Variants in ANKRD36C observed in about 807,000 individuals in gnomAD.
ANKRD36C encodes ankyrin repeat domain 36C.
In ANKRD36C, 61 loss-of-function variants were observed where a neutral mutation model predicts 276.4. The observed-to-expected ratio is 0.22, with a 90% CI of 0.18 to 0.27. The LOEUF (loss-of-function observed/expected upper bound fraction) is 0.27, where lower values mean the gene tolerates loss of function less well. ANKRD36C is among the 10% of genes least tolerant of loss of function. ANKRD36C has a pLI of 1.00. For missense variants in ANKRD36C, 1,447 were observed against 2,032.3 expected (o/e 0.71, Z 5.54); for synonymous variants, 483 against 680.1 (o/e 0.71, Z 4.51).
chr2:95,928,880 A>G lies in ANKRD36C; in HGVS notation c.1837+192T>C, dbSNP rs1223350721. ...CAATTTCAATGTAGGGAAGTCTACA[A>G]TCTTACTACTCAGATCATGACCAAG... is the stretch of plus-strand genomic sequence containing the variant. On this transcript the variant is annotated intron_variant, in intron 26 of 66. Transcript: ENST00000456556. 4.0e-5 allele frequency among the ~76,000 whole-genome samples: 6 copies of G among 151,480 alleles called. No homozygotes were observed. The South Asian group carries it at 6.2e-4, about 16-fold the overall frequency.
chr2:95,856,239 C>T (rs76605202), intron 62 of ANKRD36C, 59 bp from the exon 83 acceptor site: 30 of 1,581,198 alleles, frequency 1.9e-5, no homozygotes, highest in Non-Finnish European at 2.6e-5. Context: ...ATTGTGATTG[C>T]TTCTGAAATT....
chr2:95,909,616 G>A (rs1676851412), intron 42 of ANKRD36C, among the ~76,000 whole-genome samples: 1 of 126,936 alleles, frequency 7.9e-6, no homozygotes. Context: ...CCAAGAGGTA[G>A]CTCCTTGAAC....
intron 3 of ANKRD36C, among the ~76,000 whole-genome samples, chr2:95,986,028 C>T (rs1157234268): frequency 6.6e-6 from 1 of 152,158 alleles, no homozygotes; most frequent in Non-Finnish European, 1.5e-5. Flanking sequence ...CACTGCCAAC[C>T]TGGTTTCCTC....
chr2:95,866,245 A>G (rs1249311322), intron 60 of ANKRD36C, among the ~76,000 whole-genome samples: 1 of 152,168 alleles, frequency 6.6e-6, no homozygotes, highest in Non-Finnish European at 1.5e-5. Context: ...ATTTTTACAT[A>G]TGACACAAAA....
At chr2:95,871,449 T>C (rs1269468246) in intron 59 of ANKRD36C, among the ~76,000 whole-genome samples, 5 of 152,054 alleles carry the variant, frequency 3.3e-5, no homozygotes, top group East Asian at 1.9e-4. Flanking sequence ...TAAAATACTT[T>C]ACAGACAAGC....
rs1447841168 is a variant in ANKRD36C, at chr2:95,897,408, G to A, written c.2755+1737C>T. ...TGTTTCATAGACTATACATTTACTA[G>A]TTCACAATATAAATGACAGTTTCAT... On this transcript the variant is annotated intron_variant, in intron 44 of 66. Transcript: ENST00000456556. 7.8e-6 allele frequency: 12 copies of A among 1,544,926 alleles called. 1 individual carries two copies. Among genetic ancestry groups the A allele is most frequent in the Non-Finnish European group, 9.6e-6 (11 of 1,141,364 alleles).
intron 61 of ANKRD36C, among the ~76,000 whole-genome samples, chr2:95,859,531 G>C (rs1266458458): frequency 1.3e-5 from 2 of 152,080 alleles, no homozygotes; most frequent in Admixed American, 1.3e-4. Context: ...AGAAAACTAT[G>C]TGTATATAAA....
intron 6 of ANKRD36C, among the ~76,000 whole-genome samples, chr2:95,965,719 T>G (rs1294007910): frequency 1.3e-5 from 2 of 152,146 alleles, no homozygotes; most frequent in East Asian, 3.9e-4. Flanking sequence ...AGTCATCACA[T>G]GGCATATCAT....
At chr2:95,898,041 T>C (rs1241529273) in intron 44 of ANKRD36C, among the ~76,000 whole-genome samples, 21 of 148,928 alleles carry the variant, frequency 1.4e-4, no homozygotes, top group African/African-American at 5.2e-4. Flanking sequence ...TCATTATCTC[T>C]CTCAACCATA....
chr2:95,989,408 C>T (rs1679093342), intron 1 of ANKRD36C, among the ~76,000 whole-genome samples: 1 of 152,012 alleles, frequency 6.6e-6, no homozygotes, highest in Non-Finnish European at 1.5e-5. Flanking sequence ...TTACAAACAC[C>T]ATAGATTGTT....
intron 46 of ANKRD36C, among the ~76,000 whole-genome samples, chr2:95,890,698 C>A (rs763487713): frequency 6.6e-6 from 1 of 151,534 alleles, no homozygotes; most frequent in African/African-American, 2.4e-5. Context: ...CAATTATCAA[C>A]TTTGACATAA....
intron 61 of ANKRD36C, among the ~76,000 whole-genome samples, 189 bp from the exon 82 acceptor site, chr2:95,857,681 A>G (rs1466887710): frequency 6.6e-6 from 1 of 150,486 alleles, no homozygotes. Flanking sequence ...GCATAACCTT[A>G]CGAGACAAGG....
chr2:95,931,518 A>C (rs981293077), intron 24 of ANKRD36C, among the ~76,000 whole-genome samples: 17 of 150,384 alleles, frequency 1.1e-4, no homozygotes, highest in African/African-American at 4.2e-4. Flanking sequence ...TAACACCACT[A>C]TGTCTATGCT....
At chr2:95,967,234 G>A (rs907693901) in intron 6 of ANKRD36C, among the ~76,000 whole-genome samples, 9 of 152,140 alleles carry the variant, frequency 5.9e-5, no homozygotes, top group Admixed American at 4.6e-4. Context: ...GGAAATGTTT[G>A]CAATCTGTCC....
At chr2:95,955,420 C>T (rs1678303422) in intron 13 of ANKRD36C, among the ~76,000 whole-genome samples, 1 of 152,166 alleles carries the variant, frequency 6.6e-6, no homozygotes, top group Non-Finnish European at 1.5e-5. Context: ...TTCTTGATAG[C>T]TCCCAACATC....
chr2:95,889,809 T>C (rs768914919), exon 48 of ANKRD36C: 13 of 1,590,904 alleles, frequency 8.2e-6, no homozygotes, highest in Non-Finnish European at 1.1e-5. Flanking sequence ...CTGTCCCAGA[T>C]ATTTGTTCAT....
At position 95,859,891 on chromosome 2, in the gene ANKRD36C, A is replaced by T. The variant is rs1055587755; in HGVS notation, c.3866T>A (p.Leu1289His). 9.7e-6 allele frequency: 15 copies of T among 1,550,090 alleles called. No individual in the cohort carries two copies. The African/African-American group carries it at 1.8e-4, about 18-fold the overall frequency. Residue 1289 changes from leucine (L) to histidine (H), a missense_variant, in exon 61 of 67, where the codon CTT becomes CAT. This residue lies in a region of ANKRD36C where 437 missense variants were observed against 641.0 expected (regional missense o/e 0.68). Coordinates refer to ENST00000456556, the Ensembl canonical transcript of ANKRD36C. Reference sequence around the variant, plus strand: ...ACTACAGAGTTCTTTTTCCAATTCAAGTGTTTCATGCTTTAACTGCGATTT... The same window carrying T: ...ACTACAGAGTTCTTTTTCCAATTCATGTGTTTCATGCTTTAACTGCGATTT...
Position 95,914,254 on chromosome 2 carries a change from TA to T in ANKRD36C, c.2478+20del, listed in dbSNP as rs1558637517. ...AGACTATGCATTTACTAGGTCACAA[TA>T]TAAATGACAGTTTCATTACCTTCAA... On this transcript the variant is annotated intron_variant, in intron 39 of 66. Transcript: ENST00000456556. The T allele has an allele frequency of 6.4e-7, 1 of 1,553,884 alleles. No homozygotes were observed. Among genetic ancestry groups the T allele is most frequent in the Non-Finnish European group, 8.7e-7 (1 of 1,147,554 alleles).
chr2:95,902,349 G>A (rs1676679193), intron 42 of ANKRD36C, among the ~76,000 whole-genome samples: 1 of 149,424 alleles, frequency 6.7e-6, no homozygotes. Flanking sequence ...CATCTGAAGT[G>A]AGTTCACTCA....
Sources: allele counts gnomAD v4.1 joint callset (sites outside exome capture counted in the v4.1 genomes callset), GRCh38; gene constraint gnomAD v4.1.1; regional missense constraint gnomAD v4.1.1; transcripts MANE v1.5; gene names NCBI Gene and HGNC (gene_info 2026-07-23, HGNC 2026-07-21).